Variants in EGFLAM observed in about 807,000 individuals in gnomAD.
The protein encoded by EGFLAM is pikachurin.
A neutral mutation model predicts 113.1 loss-of-function variants in EGFLAM; 79 were observed. The ratio of observed to expected loss-of-function variants is 0.70; its 90% CI spans 0.58 to 0.84. EGFLAM has a LOEUF of 0.84. Among genes scored for constraint, EGFLAM ranks in the 40% least tolerant of loss-of-function variants. EGFLAM has a pLI of 0.00. For missense variants in EGFLAM, 1,265 were observed against 1,291.6 expected (o/e 0.98, Z 0.32); for synonymous variants, 504 against 487.6 (o/e 1.03, Z -0.44).
At chr5:38,329,433 A>G (rs1173895516) in intron 1 of EGFLAM, among the ~76,000 whole-genome samples, 3 of 152,144 alleles carry the variant, frequency 2.0e-5, no homozygotes, top group Admixed American at 6.5e-5. Context: ...ATTGGGTCCA[A>G]GTGTCTGACT....
intron 6 of EGFLAM, among the ~76,000 whole-genome samples, chr5:38,397,482 G>A (rs541811881): frequency 1.3e-5 from 2 of 152,192 alleles, no homozygotes; most frequent in East Asian, 3.9e-4. Flanking sequence ...TTATAGAGAT[G>A]AAGTGTTGCT....
At chr5:38,369,299 T>C (rs1740146361) in intron 5 of EGFLAM, among the ~76,000 whole-genome samples, 1 of 152,244 alleles carries the variant, frequency 6.6e-6, no homozygotes, top group Non-Finnish European at 1.5e-5. Flanking sequence ...TATTGAGATA[T>C]TTCACATTCT....
At chr5:38,306,539 G>T (rs1373660119) in intron 1 of EGFLAM, among the ~76,000 whole-genome samples, 2 of 152,164 alleles carry the variant, frequency 1.3e-5, no homozygotes, top group Non-Finnish European at 2.9e-5. Flanking sequence ...GCAGCTATTG[G>T]TGCTATTCTA....
At chr5:38,297,413 T>C (rs896782846) in intron 1 of EGFLAM, among the ~76,000 whole-genome samples, 9 of 152,198 alleles carry the variant, frequency 5.9e-5, no homozygotes, top group African/African-American at 2.2e-4. Context: ...TTTTCCGTTA[T>C]TTACTTATCC....
chr5:38,328,723 G>GTTTT (rs3077265), intron 1 of EGFLAM, among the ~76,000 whole-genome samples: 7 of 103,026 alleles, frequency 6.8e-5, no homozygotes, highest in East Asian at 3.2e-4. Context: ...AGCTATACTT[G>GTTTT]TTTTTTTTTT....
At chr5:38,441,595 C>CACACACACAT (rs1742535470) in intron 17 of EGFLAM, among the ~76,000 whole-genome samples, 2 of 135,088 alleles carry the variant, frequency 1.5e-5, no homozygotes, top group African/African-American at 3.1e-5. Flanking sequence ...CTGCTTTGTA[C>CACACACACAT]ACACACACAC....
intron 1 of EGFLAM, among the ~76,000 whole-genome samples, chr5:38,326,462 C>G (rs187167635): frequency 3.3e-4 from 50 of 152,196 alleles, no homozygotes; most frequent in African/African-American, 1.2e-3. Flanking sequence ...CACTAACAAC[C>G]TCCTTCCTGG....
At chr5:38,321,974 A>ATAATGT (rs1203804320) in intron 1 of EGFLAM, among the ~76,000 whole-genome samples, 2 of 152,226 alleles carry the variant, frequency 1.3e-5, no homozygotes, top group African/African-American at 4.8e-5. Flanking sequence ...CATAATGACC[A>ATAATGT]GAAAGAGCAG....
intron 6 of EGFLAM, chr5:38,403,660 C>A: frequency 9.9e-7 from 1 of 1,008,970 alleles, no homozygotes; most frequent in Non-Finnish European, 1.4e-6. Flanking sequence ...TTTCATCGTG[C>A]TACTCAGAAC....
Position 38,409,007 on chromosome 5 carries a change from G to A in EGFLAM, c.1252G>A (p.Glu418Lys), listed in dbSNP as rs546146305. 1.6e-4 allele frequency: 248 copies of A among 1,586,292 alleles called. No individual in the cohort carries two copies. Among genetic ancestry groups the A allele is most frequent in the Non-Finnish European group, 2.0e-4 (233 of 1,164,740 alleles). The change falls in exon 10 of 22, where the codon GAG becomes AAG. Residue 418 changes from glutamate to lysine, a missense_variant. By Grantham distance (56) the Glu-to-Lys change is moderately conservative (BLOSUM62 1). Coordinates refer to ENST00000322350, the MANE Select transcript of EGFLAM (RefSeq NM_152403.4). ...GCTTTTGTTTGTATAATCACAGGCG[G>A]AGGCAGAGGATGGCTTACTGCTCTA... is the stretch of plus-strand genomic sequence containing the variant. Reference protein sequence around the residue: ...AFQITLEFRAEAEDGLLLYCG... With the variant: ...AFQITLEFRAKAEDGLLLYCG...
chr5:38,447,648 T>C (rs149567605), intron 17 of EGFLAM, among the ~76,000 whole-genome samples: 1,613 of 151,544 alleles, frequency 0.011, 39 homozygotes, highest in African/African-American at 0.037. Context: ...CCCAGCTACT[T>C]GAGAGGCTGA....
rs558324010 is a variant in EGFLAM at position 38,417,195 on chromosome 5, A to G, written c.1495-871A>G. Reference sequence around the variant, plus strand: ...GGTGAAACCTCGTTTCTAAAAATACAAAATTAGCTAGGCGTGGTGACACAT... The same window carrying G: ...GGTGAAACCTCGTTTCTAAAAATACGAAATTAGCTAGGCGTGGTGACACAT... On this transcript the variant is annotated intron_variant, in intron 11 of 21. Transcript: ENST00000322350. Among the ~76,000 whole-genome samples the G allele has an allele frequency of 1.2e-3, 181 of 152,090 alleles. 1 individual carries two copies. Among genetic ancestry groups the G allele is most frequent in the African/African-American group, 4.2e-3 (173 of 41,476 alleles).
intron 17 of EGFLAM, among the ~76,000 whole-genome samples, chr5:38,443,327 G>A (rs898774071): frequency 1.3e-4 from 20 of 152,144 alleles, no homozygotes; most frequent in East Asian, 3.9e-4. Context: ...ACTAAAATGC[G>A]AAGGATAACT....
chr5:38,433,946 C>G (rs577370939), intron 15 of EGFLAM, among the ~76,000 whole-genome samples: 73 of 152,306 alleles, frequency 4.8e-4, no homozygotes, highest in African/African-American at 1.8e-3. Context: ...TGGACCCAGC[C>G]ATGGGGGCAC....
chr5:38,412,738 T>C (rs1741525111), intron 11 of EGFLAM, 90 bp downstream of exon 11: 13 of 1,498,670 alleles, frequency 8.7e-6, no homozygotes, highest in Non-Finnish European at 1.1e-5. Context: ...CGTGGCAGAG[T>C]CTGCAGGATT....
chr5:38,418,142 C>T lies in EGFLAM; in HGVS notation c.1571C>T (p.Ala524Val). ...GAPSAYWLVR[A>V]TGTNRGFQGC... Reference sequence around the variant, plus strand: ...CCCAGCGCTTACTGGTTGGTTAGAGCAACAGGGACAAACCGAGGCTTTCAA... The same window carrying T: ...CCCAGCGCTTACTGGTTGGTTAGAGTAACAGGGACAAACCGAGGCTTTCAA... The change falls in exon 12 of 22, where the codon GCA (alanine) becomes GTA (valine). Residue 524 changes from alanine (A) to valine (V), a missense_variant. Ala to Val is a moderately conservative substitution (Grantham distance 64). Transcript: ENST00000322350. 6.2e-7 allele frequency: 1 copy of T among 1,614,212 alleles called. No individual in the cohort carries two copies. Among genetic ancestry groups the T allele is most frequent in the Non-Finnish European group, 8.5e-7 (1 of 1,180,026 alleles).
intron 16 of EGFLAM, 123 bp from the exon 17 acceptor site, chr5:38,438,152 A>T: frequency 1.2e-6 from 1 of 860,742 alleles, no homozygotes; most frequent in East Asian, 3.2e-5. Flanking sequence ...TGGAAACTGG[A>T]CTTAAAAAAA....
intron 1 of EGFLAM, among the ~76,000 whole-genome samples, chr5:38,337,127 T>A (rs6878064): frequency 0.15 from 22,971 of 152,288 alleles, 2,048 homozygotes; most frequent in African/African-American, 0.24. Context: ...ATCTATGTAA[T>A]GTATACATAA....
intron 1 of EGFLAM, among the ~76,000 whole-genome samples, chr5:38,336,450 T>C (rs556717281): frequency 4.3e-4 from 66 of 152,208 alleles, no homozygotes; most frequent in Non-Finnish European, 7.8e-4. Context: ...GGCGAGCTCC[T>C]GTAGTCCCAG....
Sources: allele counts gnomAD v4.1 joint callset (sites outside exome capture counted in the v4.1 genomes callset), GRCh38; gene constraint gnomAD v4.1.1; transcripts MANE v1.5; gene names NCBI Gene and HGNC (gene_info 2026-07-23, HGNC 2026-07-21).